The following CSNK1G3 variants were observed in gnomAD, a reference collection of about 807,000 sequenced individuals.
The protein encoded by CSNK1G3 is casein kinase I isoform gamma-3.
Under a neutral mutation model 64.3 loss-of-function variants are expected in CSNK1G3, and 23 were observed. That is an observed-to-expected ratio of 0.36 (90% CI 0.26 to 0.51). CSNK1G3 has a LOEUF of 0.51. CSNK1G3 is among the 20% of genes least tolerant of loss of function. The probability of loss-of-function intolerance (pLI) is 0.96; values close to 1 mark genes in which losing one functional copy is unlikely to be tolerated. For synonymous variants in CSNK1G3, 158 were observed against 162.2 expected (o/e 0.97, Z 0.20); for missense variants, 357 against 510.5 (o/e 0.70, Z 2.90).
At chr5:123,535,977 G>A (rs989889842) in intron 1 of CSNK1G3, among the ~76,000 whole-genome samples, 1 of 151,974 alleles carries the variant, frequency 6.6e-6, no homozygotes, top group Non-Finnish European at 1.5e-5. Context: ...GCTGCCCCTT[G>A]CTCCTCTAGG....
rs143552852 is a variant in CSNK1G3 at position 123,583,072 on chromosome 5, G to A, written c.674-4996G>A. Among the ~76,000 whole-genome samples, 150 of 152,228 alleles carry A rather than the reference G, an allele frequency of 9.9e-4. 1 individual carries two copies. The highest frequency in any genetic ancestry group is 2.1e-3 in the South Asian group (10 of 4,818). ...ATGTAGGCGAGATCACCTTATGACC[G>A]TGGCTTATTGGCACTATGTGACTAA... On this transcript the variant is annotated intron_variant, in intron 6 of 12. Coordinates refer to ENST00000345990, the Ensembl canonical transcript of CSNK1G3.
chr5:123,591,671 T>C (rs1038143466), intron 10 of CSNK1G3, among the ~76,000 whole-genome samples: 3 of 152,134 alleles, frequency 2.0e-5, no homozygotes, highest in Non-Finnish European at 4.4e-5. Flanking sequence ...TTGGATACCC[T>C]ATTAGAATGA....
intron 1 of CSNK1G3, among the ~76,000 whole-genome samples, chr5:123,532,543 G>GAAGA (rs1780108186): frequency 1.3e-5 from 2 of 151,690 alleles, no homozygotes; most frequent in Admixed American, 1.3e-4. Context: ...TATCAAACCT[G>GAAGA]TTGAAAACTG....
intron 1 of CSNK1G3, among the ~76,000 whole-genome samples, chr5:123,542,078 A>G (rs901416946): frequency 1.3e-5 from 2 of 151,750 alleles, no homozygotes; most frequent in African/African-American, 2.4e-5. Flanking sequence ...CAAATAGAAT[A>G]TTTTCCCCAT....
chr5:123,546,954 G>A (rs907891746), intron 2 of CSNK1G3, among the ~76,000 whole-genome samples: 5 of 152,058 alleles, frequency 3.3e-5, no homozygotes, highest in Admixed American at 2.0e-4. Flanking sequence ...TTGAAAGGGT[G>A]AATGTTTTAT....
At chr5:123,555,454 C>T (rs1334860554) in intron 3 of CSNK1G3, among the ~76,000 whole-genome samples, 1 of 152,148 alleles carries the variant, frequency 6.6e-6, no homozygotes, top group African/African-American at 2.4e-5. Context: ...CTGCATACCT[C>T]AGTGTTATCT....
At chr5:123,585,287 C>T (rs984744835) in intron 6 of CSNK1G3, among the ~76,000 whole-genome samples, 1 of 151,534 alleles carries the variant, frequency 6.6e-6, no homozygotes, top group Non-Finnish European at 1.5e-5. Flanking sequence ...TAAATCCTTA[C>T]TCCACACCAA....
chr5:123,559,888 A>G (rs1785347474), intron 4 of CSNK1G3, among the ~76,000 whole-genome samples: 1 of 152,128 alleles, frequency 6.6e-6, no homozygotes. Flanking sequence ...TAAACGGGCT[A>G]TTTAGAGTAA....
intron 8 of CSNK1G3, among the ~76,000 whole-genome samples, chr5:123,588,983 A>C (rs999645413): frequency 3.9e-5 from 6 of 152,166 alleles, no homozygotes; most frequent in Non-Finnish European, 8.8e-5. Flanking sequence ...AGCTGTATGC[A>C]TTTATGAAAA....
chr5:123,614,281 C>G (rs918242131), intron 12 of CSNK1G3, 61 bp from the exon 14 acceptor site: 1 of 1,503,042 alleles, frequency 6.7e-7, no homozygotes, highest in African/African-American at 1.4e-5. Flanking sequence ...TAAAGTGATA[C>G]AGTCAACTTT....
chr5:123,609,292 A>C (rs1795897949), intron 12 of CSNK1G3, among the ~76,000 whole-genome samples: 1 of 152,206 alleles, frequency 6.6e-6, no homozygotes, highest in African/African-American at 2.4e-5. Flanking sequence ...ATTTGGCAGC[A>C]GTTATGAGGC....
At chr5:123,588,824 A>G (rs1791799334) in intron 8 of CSNK1G3, among the ~76,000 whole-genome samples, 1 of 152,130 alleles carries the variant, frequency 6.6e-6, no homozygotes, top group Non-Finnish European at 1.5e-5. Flanking sequence ...AAGTTTTGGT[A>G]TTCAGTGTTA....
intron 4 of CSNK1G3, among the ~76,000 whole-genome samples, chr5:123,570,208 T>A (rs959190945): frequency 6.6e-6 from 1 of 152,162 alleles, no homozygotes; most frequent in African/African-American, 2.4e-5. Flanking sequence ...TGTTGAAAAC[T>A]TTTGAAAAAA....
rs1340250646 is a variant in CSNK1G3, at chr5:123,587,752, GTA to G, written c.674-313_674-312del. On this transcript the variant is annotated intron_variant, in intron 6 of 12. Coordinates refer to ENST00000345990, the Ensembl canonical transcript of CSNK1G3. The stretch of plus-strand genomic sequence containing the variant: ...TCTGAATCTTTAAGACAGAGCTGTA[GTA>G]TACAGTGACTCTGACCATGGAACTC... Among the ~76,000 whole-genome samples, 4 of 152,112 alleles carry G rather than the reference GTA, an allele frequency of 2.6e-5. No individual in the cohort carries two copies. In the East Asian group the frequency reaches 7.7e-4, roughly 29 times the overall value.
chr5:123,565,192 C>G (rs1447918866), intron 4 of CSNK1G3, among the ~76,000 whole-genome samples: 1 of 152,108 alleles, frequency 6.6e-6, no homozygotes, highest in East Asian at 1.9e-4. Context: ...AGCTAGATTC[C>G]CATATCTTCT....
chr5:123,543,611 T>A (rs1334563260), intron 1 of CSNK1G3, among the ~76,000 whole-genome samples: 1 of 152,198 alleles, frequency 6.6e-6, no homozygotes, highest in Non-Finnish European at 1.5e-5. Flanking sequence ...GTGTGTTGCC[T>A]GAGCCTCACC....
At chr5:123,599,127 T>C (rs1212227807) in intron 10 of CSNK1G3, among the ~76,000 whole-genome samples, 1 of 152,126 alleles carries the variant, frequency 6.6e-6, no homozygotes, top group Non-Finnish European at 1.5e-5. Context: ...TCCATCGAGC[T>C]CAGTGCAAAC....
At chr5:123,526,844 G>T (rs980278434) in intron 1 of CSNK1G3, among the ~76,000 whole-genome samples, 1 of 97,284 alleles carries the variant, frequency 1.0e-5, no homozygotes, top group African/African-American at 5.3e-5. Context: ...TACAGATTGT[G>T]TGTGTGTGTG....
At chr5:123,603,880 G>T (rs1382918622) in intron 10 of CSNK1G3, among the ~76,000 whole-genome samples, 1 of 152,102 alleles carries the variant, frequency 6.6e-6, no homozygotes, top group Non-Finnish European at 1.5e-5. Context: ...GTCAATTTGT[G>T]TAAGGAATAT....
Sources: allele counts gnomAD v4.1 joint callset (sites outside exome capture counted in the v4.1 genomes callset), GRCh38; gene constraint gnomAD v4.1.1; transcripts MANE v1.5; gene names NCBI Gene and HGNC (gene_info 2026-07-23, HGNC 2026-07-21).